The following FRMD4B variants were observed in gnomAD, a reference collection of about 807,000 sequenced individuals.
The protein encoded by FRMD4B is FERM domain containing 4B.
Under a neutral mutation model 141.5 loss-of-function variants are expected in FRMD4B, and 74 were observed. The observed-to-expected ratio is 0.52, with a 90% confidence interval of 0.43 to 0.63. The LOEUF (loss-of-function observed/expected upper bound fraction) is 0.63, where lower values mean the gene tolerates loss of function less well. Among genes scored for constraint, FRMD4B ranks in the 30% least tolerant of loss-of-function variants. FRMD4B has a pLI of 0.00. For synonymous variants in FRMD4B, 506 were observed against 467.9 expected (o/e 1.08, Z -1.05); for missense variants, 1,366 against 1,253.4 (o/e 1.09, Z -1.36).
intron 2 of FRMD4B, among the ~76,000 whole-genome samples, chr3:69,429,789 T>C (rs1375587821): frequency 6.8e-6 from 1 of 147,700 alleles, no homozygotes; most frequent in Non-Finnish European, 1.5e-5. Flanking sequence ...GGAGTCTCAC[T>C]TACTCTGCTG....
At chr3:69,219,864 C>T (rs2093177378) in intron 9 of FRMD4B, among the ~76,000 whole-genome samples, 1 of 152,164 alleles carries the variant, frequency 6.6e-6, no homozygotes, top group Non-Finnish European at 1.5e-5. Flanking sequence ...TAAGTGAGAA[C>T]AAGTGGTATT....
chr3:69,246,685 C>G (rs888289181), intron 7 of FRMD4B, among the ~76,000 whole-genome samples: 5 of 152,172 alleles, frequency 3.3e-5, no homozygotes, highest in African/African-American at 1.2e-4. Flanking sequence ...TAAGTGGCCA[C>G]TCAGAGGGAT....
At chr3:69,238,408 T>C (rs2106682977) in intron 7 of FRMD4B, among the ~76,000 whole-genome samples, 1 of 152,276 alleles carries the variant, frequency 6.6e-6, no homozygotes, top group East Asian at 1.9e-4. Context: ...ATTATAAAAA[T>C]ACAAATAGTG....
intron 1 of FRMD4B, among the ~76,000 whole-genome samples, chr3:69,516,779 T>C (rs543471416): frequency 6.6e-6 from 1 of 152,292 alleles, no homozygotes; most frequent in South Asian, 2.1e-4. Flanking sequence ...CTCTAAGCAA[T>C]AATTAATCAT....
In FRMD4B at chr3:69,541,789, T is replaced by TCCCCCCCC. The variant is rs56146632; in HGVS notation, c.-129+409_-129+416dup. ...GTGTCCTCTGCTAACTCCAGGGATT[T>TCCCCCCCC]CCCCCCCCTCTTTTCGCTGCCTTTT... On this transcript the variant is annotated intron_variant, in intron 1 of 5. Transcript: ENST00000459638. Among the ~76,000 whole-genome samples, 11 of 148,390 alleles carry TCCCCCCCC rather than the reference T, an allele frequency of 7.4e-5. 1 individual carries two copies. In the East Asian group the frequency reaches 1.5e-3, roughly 20 times the overall value.
At chr3:69,467,433 G>A (rs1438303399) in intron 1 of FRMD4B, among the ~76,000 whole-genome samples, 1 of 152,086 alleles carries the variant, frequency 6.6e-6, no homozygotes, top group Admixed American at 6.5e-5. Flanking sequence ...AATTGGCTAT[G>A]GAGATTCACA....
At chr3:69,225,950 T>C (rs1218938476) in intron 7 of FRMD4B, among the ~76,000 whole-genome samples, 1 of 152,140 alleles carries the variant, frequency 6.6e-6, no homozygotes, top group Non-Finnish European at 1.5e-5. Context: ...CTAGCTACCC[T>C]TCGATGAAAG....
chr3:69,197,632 A>C, intron 12 of FRMD4B: 1 of 151,814 alleles, frequency 6.6e-6, no homozygotes, highest in Non-Finnish European at 1.5e-5. Flanking sequence ...AGGGAGGGGA[A>C]GTGAAAGAGA....
intron 5 of FRMD4B, among the ~76,000 whole-genome samples, chr3:69,255,554 A>G (rs1043255082): frequency 6.6e-6 from 1 of 152,038 alleles, no homozygotes; most frequent in Non-Finnish European, 1.5e-5. Context: ...CTTAAAAAAA[A>G]AGTTTGCAAA....
rs939517360 is a variant in FRMD4B at position 69,496,822 on chromosome 3, T to A, written c.-129+45384A>T. On this transcript the variant is annotated intron_variant, in intron 1 of 5. Transcript: ENST00000459638. The stretch of plus-strand genomic sequence containing the variant: ...CTATTTGTCACTTTCAATTAATTAA[T>A]ACTTTCAATTAATATAGGTGAGATA... Among the ~76,000 whole-genome samples the A allele has an allele frequency of 1.1e-4, 16 of 152,252 alleles. No individual in the cohort carries two copies. In the South Asian group the frequency reaches 3.3e-3, roughly 32 times the overall value.
In FRMD4B at chr3:69,195,224, G is replaced by A. The variant is rs1463157949; in HGVS notation, c.1368+7C>T. On this transcript the variant is annotated splice_region_variant and intron_variant, in intron 15 of 22. Transcript: ENST00000398540. ...ACAACTTGATGAGCCCCAAAAAGCAGACTCACAGCCTCCCGCAGACAGATC... is the reference window on the plus strand; with the variant it reads ...ACAACTTGATGAGCCCCAAAAAGCAAACTCACAGCCTCCCGCAGACAGATC... 2.5e-6 allele frequency: 4 copies of A among 1,612,744 alleles called. No individual in the cohort carries two copies. The African/African-American group carries it at 4.0e-5, about 16-fold the overall frequency.
chr3:69,187,601 T>A (rs2092784045), intron 19 of FRMD4B, among the ~76,000 whole-genome samples, 169 bp downstream of exon 19: 1 of 149,424 alleles, frequency 6.7e-6, no homozygotes, highest in South Asian at 2.1e-4. Context: ...GTATATTCAT[T>A]TGCTGTGAAC....
At chr3:69,284,888 T>C (rs1700617430) in intron 5 of FRMD4B, among the ~76,000 whole-genome samples, 2 of 152,258 alleles carry the variant, frequency 1.3e-5, no homozygotes, top group South Asian at 4.1e-4. Flanking sequence ...AGGCCGAGCA[T>C]GGTGGCTCAT....
rs1017145410 is a variant in FRMD4B at position 69,200,472 on chromosome 3, G to A, written c.877-1698C>T. ...TGAGGAAAAACCTCAGGGTTCTTCC[G>A]CCCTCCCCCCTCCCAGACGGCAGCT... On this transcript the variant is annotated intron_variant, in intron 11 of 22. Transcript: ENST00000398540. 6 of 990,800 alleles carry A rather than the reference G, an allele frequency of 6.1e-6. No individual in the cohort carries two copies. The African/African-American group carries it at 7.0e-5, about 12-fold the overall frequency. The allele number at this position is 990,800 out of a possible 1,614,324, so 61.4% of individuals were successfully genotyped here.
chr3:69,481,866 A>G (rs1706130142), intron 1 of FRMD4B, among the ~76,000 whole-genome samples: 2 of 152,176 alleles, frequency 1.3e-5, no homozygotes, highest in Admixed American at 6.5e-5. Flanking sequence ...AGAGTATAAA[A>G]CAGTGGCTCC....
chr3:69,274,432 A>G (rs991412833), intron 5 of FRMD4B, among the ~76,000 whole-genome samples: 5 of 152,202 alleles, frequency 3.3e-5, no homozygotes, highest in African/African-American at 1.2e-4. Context: ...TAAGATGTTA[A>G]GCAGGGGAGA....
chr3:69,528,035 T>C (rs533759544), intron 1 of FRMD4B, among the ~76,000 whole-genome samples: 11 of 152,318 alleles, frequency 7.2e-5, no homozygotes, highest in African/African-American at 2.6e-4. Context: ...AGTCTACTCT[T>C]TACTTATACA....
At position 69,391,840 on chromosome 3, in the gene FRMD4B, G is replaced by A. The variant is rs115992529; in HGVS notation, c.-1+40794C>T. On this transcript the variant is annotated intron_variant, in intron 2 of 5. Coordinates refer to the FRMD4B transcript ENST00000459638. The stretch of plus-strand genomic sequence containing the variant: ...CACTGGAAGGCATTTAGTGACCTTG[G>A]GCTCTGCCTGATAAATGCAGTAGTG... Among the ~76,000 whole-genome samples the A allele has an allele frequency of 3.3e-3, 498 of 152,214 alleles. 3 individuals carry two copies. The highest frequency in any genetic ancestry group is 0.012 in the African/African-American group (482 of 41,522).
At chr3:69,351,272 A>G (rs528195830) in intron 1 of FRMD4B, among the ~76,000 whole-genome samples, 26 of 152,332 alleles carry the variant, frequency 1.7e-4, no homozygotes, top group South Asian at 4.1e-4. Context: ...TAGTTTTCCA[A>G]CATTAAGCAA....
Sources: gnomAD v4.1 joint callset for allele counts (sites outside exome capture counted in the v4.1 genomes callset) on GRCh38, gnomAD v4.1.1 for gene constraint, MANE v1.5 for transcripts, NCBI Gene and HGNC (gene_info 2026-07-23, HGNC 2026-07-21) for gene names.